AKAP19: variants seen among roughly 807,000 people sequenced by gnomAD.
AKAP19 encodes the protein small A-kinase anchoring protein.
At chr2:190,008,877 G>A in the AKAP19 span, among the ~76,000 whole-genome samples, 3 of 152,052 alleles carry the variant, frequency 2.0e-5, no homozygotes, top group Non-Finnish European at 4.4e-5. Context: ...TAGGAAGTAG[G>A]GGCTTGTAAA....
the AKAP19 span, among the ~76,000 whole-genome samples, chr2:190,001,497 G>C: frequency 6.6e-6 from 1 of 152,022 alleles, no homozygotes; most frequent in African/African-American, 2.4e-5. Flanking sequence ...AGCTTGTCTG[G>C]GTTTATTCTG....
the AKAP19 span, among the ~76,000 whole-genome samples, chr2:189,943,306 CAG>C: frequency 6.6e-6 from 1 of 152,224 alleles, no homozygotes; most frequent in Non-Finnish European, 1.5e-5. Context: ...GCCCCTGGTA[CAG>C]CTCAGGGTGC....
the AKAP19 span, among the ~76,000 whole-genome samples, chr2:190,114,738 G>A: frequency 6.6e-6 from 1 of 152,148 alleles, no homozygotes; most frequent in Admixed American, 6.5e-5. Context: ...TTACAGGCTT[G>A]AGCCACCGCG....
the AKAP19 span, among the ~76,000 whole-genome samples, chr2:189,951,583 C>T: frequency 6.6e-6 from 1 of 152,104 alleles, no homozygotes; most frequent in Non-Finnish European, 1.5e-5. Flanking sequence ...CTTTGAAAGC[C>T]AAATCTAAAG....
At chr2:190,000,953 T>C in the AKAP19 span, among the ~76,000 whole-genome samples, 1 of 152,192 alleles carries the variant, frequency 6.6e-6, no homozygotes, top group Non-Finnish European at 1.5e-5. Flanking sequence ...ATTACATGTA[T>C]ATTAGTATAG....
At chr2:189,910,810 G>C in the AKAP19 span, among the ~76,000 whole-genome samples, 1 of 151,904 alleles carries the variant, frequency 6.6e-6, no homozygotes, top group African/African-American at 2.4e-5. Flanking sequence ...CTTTTAAAAG[G>C]GTGTTTATAA....
chr2:190,168,417 C>T, the AKAP19 span, among the ~76,000 whole-genome samples: 3 of 152,118 alleles, frequency 2.0e-5, no homozygotes, highest in Non-Finnish European at 4.4e-5. Context: ...CCCCCACCCC[C>T]CCACCGCCCT....
the AKAP19 span, among the ~76,000 whole-genome samples, chr2:190,104,925 A>C: frequency 5.1e-3 from 783 of 152,322 alleles, 4 homozygotes; most frequent in Admixed American, 0.013. Flanking sequence ...TGCAAATCAA[A>C]ACTACAATGA....
the AKAP19 span, among the ~76,000 whole-genome samples, chr2:189,993,427 A>T: frequency 6.6e-6 from 1 of 152,078 alleles, no homozygotes; most frequent in Admixed American, 6.6e-5. Flanking sequence ...GTATTTTTGC[A>T]TCTATGTTCA....
the AKAP19 span, among the ~76,000 whole-genome samples, chr2:189,984,471 C>G: frequency 6.6e-6 from 1 of 152,302 alleles, no homozygotes; most frequent in East Asian, 1.9e-4. Context: ...TGAACAATTG[C>G]TGTTATCCTG....
At chr2:190,045,416 G>T in the AKAP19 span, among the ~76,000 whole-genome samples, 2 of 152,034 alleles carry the variant, frequency 1.3e-5, no homozygotes, top group African/African-American at 4.8e-5. Context: ...TGGAGAACAT[G>T]GTTGAGGCAC....
the AKAP19 span, among the ~76,000 whole-genome samples, chr2:190,076,691 A>G: frequency 6.6e-6 from 1 of 152,164 alleles, no homozygotes; most frequent in Non-Finnish European, 1.5e-5. Context: ...CTCTTTGGCT[A>G]CTTTTAAGAT....
the AKAP19 span, among the ~76,000 whole-genome samples, chr2:189,962,460 T>C: frequency 6.6e-6 from 1 of 152,196 alleles, no homozygotes; most frequent in South Asian, 2.1e-4. Context: ...ATCTTCATTT[T>C]CAATATCATG....
the AKAP19 span, among the ~76,000 whole-genome samples, chr2:190,171,456 T>G: frequency 2.0e-5 from 3 of 151,610 alleles, no homozygotes; most frequent in African/African-American, 7.3e-5. Context: ...TTTTTCTGAC[T>G]ACAAGTATAA....
At chr2:189,975,315 C>T in the AKAP19 span, among the ~76,000 whole-genome samples, 5 of 152,212 alleles carry the variant, frequency 3.3e-5, no homozygotes, top group Non-Finnish European at 7.3e-5. Flanking sequence ...GGCCCCCACT[C>T]TCTTCTGGCT....
At chr2:190,039,293 G>A in the AKAP19 span, among the ~76,000 whole-genome samples, 6 of 151,916 alleles carry the variant, frequency 3.9e-5, no homozygotes, top group East Asian at 3.9e-4. Context: ...TGGCCAGGTC[G>A]GTCTCAAACT....
chr2:189,985,161 C>T, the AKAP19 span, among the ~76,000 whole-genome samples: 2 of 152,236 alleles, frequency 1.3e-5, no homozygotes, highest in Non-Finnish European at 2.9e-5. Flanking sequence ...GGGTCAATCT[C>T]TTCCAGACTC....
the AKAP19 span, among the ~76,000 whole-genome samples, chr2:190,026,788 C>T: frequency 6.6e-6 from 1 of 152,090 alleles, no homozygotes; most frequent in African/African-American, 2.4e-5. Context: ...GTATTGGGCA[C>T]ACTGGCATAC....
chr2:190,038,928 C>CTTCTTCTTCTTCTTCTTCTTCTTCTTT, the AKAP19 span, among the ~76,000 whole-genome samples: 1 of 141,106 alleles, frequency 7.1e-6, no homozygotes, highest in African/African-American at 2.9e-5. Flanking sequence ...TCTTCTTCTT[C>CTTCTTCTTCTTCTTCTTCTTCTTCTTT]TTCTTCTTCT....
Sources: gnomAD v4.1 joint callset for allele counts (sites outside exome capture counted in the v4.1 genomes callset) on GRCh38, gnomAD v4.1.1 for gene constraint, MANE v1.5 for transcripts, NCBI Gene and HGNC (gene_info 2026-07-23, HGNC 2026-07-21) for gene names.